The following CDKAL1 variants were observed in gnomAD, a reference collection of about 807,000 sequenced individuals.
The protein encoded by CDKAL1 is threonylcarbamoyladenosine tRNA methylthiotransferase.
A neutral mutation model predicts 68.2 loss-of-function variants in CDKAL1; 32 were observed. The observed-to-expected ratio is 0.47, with a 90% CI of 0.35 to 0.63. The LOEUF (loss-of-function observed/expected upper bound fraction) is 0.63. Ranked by LOEUF, CDKAL1 falls within the 30% of genes least tolerant of loss-of-function variation. The probability of loss-of-function intolerance (pLI) is 0.00; values close to 1 mark genes in which losing one functional copy is unlikely to be tolerated. For missense variants in CDKAL1, 606 were observed against 696.7 expected (o/e 0.87, Z 1.47); for synonymous variants, 234 against 244.3 (o/e 0.96, Z 0.39).
At chr6:20,578,719 C>T (rs971290838) in intron 4 of CDKAL1, among the ~76,000 whole-genome samples, 8 of 152,142 alleles carry the variant, frequency 5.3e-5, no homozygotes, top group African/African-American at 1.7e-4. Context: ...TAGTTGTTTA[C>T]TTAATTCTCT....
intron 4 of CDKAL1, among the ~76,000 whole-genome samples, chr6:20,603,219 C>G (rs1159526364): frequency 6.6e-6 from 1 of 152,170 alleles, no homozygotes; most frequent in African/African-American, 2.4e-5. Context: ...TTTTGAGAAA[C>G]AGTTCCTGGC....
intron 4 of CDKAL1, among the ~76,000 whole-genome samples, chr6:20,592,426 G>T (rs1765630296): frequency 6.6e-6 from 1 of 151,338 alleles, no homozygotes; most frequent in Admixed American, 6.6e-5. Flanking sequence ...GTGAGAGAGG[G>T]CATCCTTGTC....
At chr6:20,630,010 C>T (rs1019586851) in intron 4 of CDKAL1, among the ~76,000 whole-genome samples, 2 of 152,098 alleles carry the variant, frequency 1.3e-5, no homozygotes, top group Non-Finnish European at 1.5e-5. Context: ...CCCACCACCA[C>T]ACCTGGCTAA....
chr6:20,657,967 T>G (rs1203717554), intron 5 of CDKAL1, among the ~76,000 whole-genome samples: 1 of 152,058 alleles, frequency 6.6e-6, no homozygotes, highest in East Asian at 1.9e-4. Context: ...GTTTTATCCA[T>G]TAGACCATTT....
At chr6:20,669,509 G>A (rs1401921293) in intron 5 of CDKAL1, among the ~76,000 whole-genome samples, 6 of 152,100 alleles carry the variant, frequency 3.9e-5, no homozygotes, top group African/African-American at 4.8e-5. Context: ...TGTTGTTGTC[G>A]TTTGTTTTCT....
intron 6 of CDKAL1, among the ~76,000 whole-genome samples, chr6:20,754,243 A>T (rs1774070177): frequency 6.6e-6 from 1 of 152,132 alleles, no homozygotes; most frequent in Non-Finnish European, 1.5e-5. Context: ...TTGGCCTCCC[A>T]AAGTGCTGGG....
At chr6:20,944,153 G>A (rs181279176) in intron 9 of CDKAL1, among the ~76,000 whole-genome samples, 115 of 152,322 alleles carry the variant, frequency 7.5e-4, no homozygotes, top group African/African-American at 2.6e-3. Context: ...CTGTGACCTG[G>A]AAAATGCCTC....
chr6:20,725,894 A>G (rs1341983716), intron 5 of CDKAL1, among the ~76,000 whole-genome samples: 1 of 152,080 alleles, frequency 6.6e-6, no homozygotes, highest in Non-Finnish European at 1.5e-5. Context: ...CACCCTACAA[A>G]CCATATAAAT....
At chr6:20,546,588 C>T in intron 3 of CDKAL1, 65 bp downstream of exon 3, 2 of 1,421,170 alleles carry the variant, frequency 1.4e-6, no homozygotes, top group Non-Finnish European at 1.9e-6. Context: ...GAGTCTTGCT[C>T]TGTCGCCCAG....
At chr6:20,665,091 G>A (rs1769466963) in intron 5 of CDKAL1, among the ~76,000 whole-genome samples, 1 of 152,014 alleles carries the variant, frequency 6.6e-6, no homozygotes, top group Non-Finnish European at 1.5e-5. Flanking sequence ...GATCTTATCT[G>A]TATTCCTTGT....
chr6:21,005,721 C>T (rs936524707), intron 11 of CDKAL1, among the ~76,000 whole-genome samples: 1 of 152,140 alleles, frequency 6.6e-6, no homozygotes, highest in Non-Finnish European at 1.5e-5. Context: ...GTACTGTGCA[C>T]TTCAGGGTTA....
At chr6:20,740,519 G>A (rs969088738) in intron 6 of CDKAL1, among the ~76,000 whole-genome samples, 2 of 152,062 alleles carry the variant, frequency 1.3e-5, no homozygotes, top group African/African-American at 4.8e-5. Flanking sequence ...TAGGTGATAA[G>A]CTCAGCAATG....
chr6:20,794,281 T>C (rs758558013), intron 8 of CDKAL1, among the ~76,000 whole-genome samples: 9 of 152,120 alleles, frequency 5.9e-5, no homozygotes, highest in South Asian at 2.1e-4. Context: ...TTTAAATATA[T>C]CTACTGTAAA....
intron 8 of CDKAL1, among the ~76,000 whole-genome samples, chr6:20,833,271 T>C (rs1777793759): frequency 6.6e-6 from 1 of 152,200 alleles, no homozygotes. Flanking sequence ...ACAAAATCAG[T>C]ATTCTTTTGG....
chr6:20,667,325 A>G (rs1015961341), intron 5 of CDKAL1, among the ~76,000 whole-genome samples: 1 of 152,218 alleles, frequency 6.6e-6, no homozygotes, highest in Non-Finnish European at 1.5e-5. Flanking sequence ...CAAAAAGGGC[A>G]GAGTCTTAGC....
intron 4 of CDKAL1, among the ~76,000 whole-genome samples, chr6:20,589,890 G>T (rs1394831182): frequency 6.6e-6 from 1 of 152,150 alleles, no homozygotes; most frequent in Non-Finnish European, 1.5e-5. Context: ...CACGGGTTAA[G>T]AATTTGGGTG....
At chr6:20,636,444 A>G (rs1044159855) in intron 4 of CDKAL1, among the ~76,000 whole-genome samples, 6 of 152,130 alleles carry the variant, frequency 3.9e-5, no homozygotes, top group Non-Finnish European at 7.4e-5. Flanking sequence ...TGAGAGTTCA[A>G]TTTTGGAAAT....
chr6:21,065,313 C>CATGTTATAACCCTTAAATTACAAA, intron 12 of CDKAL1, 85 bp downstream of exon 12: 1 of 1,049,080 alleles, frequency 9.5e-7, no homozygotes. Context: ...ACAACTTGCT[C>CATGTTATAACCCTTAAATTACAAA]ATGTTATAAC....
intron 8 of CDKAL1, among the ~76,000 whole-genome samples, chr6:20,809,427 T>C (rs768094063): frequency 6.6e-6 from 1 of 152,178 alleles, no homozygotes; most frequent in Non-Finnish European, 1.5e-5. Context: ...TCACTTTTTG[T>C]AGCCATCTGA....
Sources: allele counts gnomAD v4.1 joint callset (sites outside exome capture counted in the v4.1 genomes callset), GRCh38; gene constraint gnomAD v4.1.1; transcripts MANE v1.5; gene names NCBI Gene and HGNC (gene_info 2026-07-23, HGNC 2026-07-21).